Variants in MDFIC2 observed in about 807,000 individuals in gnomAD.
MDFIC2 encodes myoD family inhibitor domain-containing protein 2.
intron 2 of MDFIC2, among the ~76,000 whole-genome samples, chr3:70,264,683 A>G (rs1311510780): frequency 6.6e-6 from 1 of 152,242 alleles, no homozygotes; most frequent in Non-Finnish European, 1.5e-5. Context: ...TGCTAAACAC[A>G]GTGAACATGG....
chr3:70,199,982 T>G (rs1412354262), intron 3 of MDFIC2, among the ~76,000 whole-genome samples: 2 of 152,202 alleles, frequency 1.3e-5, no homozygotes, highest in East Asian at 3.9e-4. Flanking sequence ...TCCTACTTTC[T>G]TTTATGGATG....
At chr3:70,301,991 A>G (rs1225093905) in intron 2 of MDFIC2, among the ~76,000 whole-genome samples, 4 of 152,102 alleles carry the variant, frequency 2.6e-5, no homozygotes, top group Admixed American at 6.6e-5. Context: ...CAGGGTAGCT[A>G]TTTCATTTCA....
At chr3:70,276,450 A>G (rs1702027302) in intron 2 of MDFIC2, among the ~76,000 whole-genome samples, 1 of 152,168 alleles carries the variant, frequency 6.6e-6, no homozygotes, top group African/African-American at 2.4e-5. Flanking sequence ...TATGCCTCTC[A>G]TTATTTTTTT....
intron 2 of MDFIC2, among the ~76,000 whole-genome samples, chr3:70,239,202 CAGTTCAACT>C (rs1458463170): frequency 6.6e-6 from 1 of 152,160 alleles, no homozygotes; most frequent in Admixed American, 6.6e-5. Flanking sequence ...AGTACGTACT[CAGTTCAACT>C]ATGTCATGAA....
intron 2 of MDFIC2, among the ~76,000 whole-genome samples, chr3:70,222,844 A>T (rs1701473041): frequency 6.6e-6 from 1 of 152,164 alleles, no homozygotes; most frequent in African/African-American, 2.4e-5. Context: ...GATACTGCTG[A>T]TGTTTTAAAG....
intron 2 of MDFIC2, among the ~76,000 whole-genome samples, chr3:70,279,138 A>ATG (rs1702056489): frequency 6.6e-6 from 1 of 150,788 alleles, no homozygotes; most frequent in South Asian, 2.1e-4. Flanking sequence ...CACTCACTAC[A>ATG]TGCAATCATG....
chr3:70,237,662 A>G (rs950547691), intron 2 of MDFIC2, among the ~76,000 whole-genome samples: 2 of 152,230 alleles, frequency 1.3e-5, no homozygotes, highest in African/African-American at 4.8e-5. Flanking sequence ...CTAAATAGGG[A>G]AAAGATTGTT....
intron 2 of MDFIC2, among the ~76,000 whole-genome samples, chr3:70,266,820 A>C (rs1447903965): frequency 6.6e-6 from 1 of 152,234 alleles, no homozygotes; most frequent in Admixed American, 6.5e-5. Context: ...AGTAGATATC[A>C]GTCCAGAAGG....
chr3:70,245,112 C>T (rs1021358143), intron 2 of MDFIC2, among the ~76,000 whole-genome samples: 4 of 152,116 alleles, frequency 2.6e-5, no homozygotes, highest in East Asian at 1.9e-4. Context: ...AAGCTCATTT[C>T]CTCTCCTTTA....
chr3:70,207,226 T>G (rs1701299516), intron 2 of MDFIC2, among the ~76,000 whole-genome samples: 1 of 152,068 alleles, frequency 6.6e-6, no homozygotes, highest in African/African-American at 2.4e-5. Flanking sequence ...TTTATTACTT[T>G]GTTTTTACAA....
intron 2 of MDFIC2, among the ~76,000 whole-genome samples, chr3:70,213,421 G>A (rs1188881564): frequency 6.6e-6 from 1 of 152,084 alleles, no homozygotes; most frequent in East Asian, 1.9e-4. Flanking sequence ...TAAAATGAGT[G>A]TATATTTCAA....
chr3:70,252,062 T>G (rs1053376624), intron 2 of MDFIC2, among the ~76,000 whole-genome samples: 1 of 152,228 alleles, frequency 6.6e-6, no homozygotes, highest in Non-Finnish European at 1.5e-5. Flanking sequence ...TTTCTCCTGT[T>G]ATTATTAAGT....
chr3:70,224,894 A>G (rs2106739640), intron 2 of MDFIC2, among the ~76,000 whole-genome samples: 2 of 152,292 alleles, frequency 1.3e-5, no homozygotes, highest in Non-Finnish European at 2.9e-5. Context: ...TGAAAACATA[A>G]TATTATACCC....
intron 2 of MDFIC2, among the ~76,000 whole-genome samples, chr3:70,247,747 A>C (rs1273762831): frequency 6.6e-6 from 1 of 151,952 alleles, no homozygotes; most frequent in East Asian, 1.9e-4. Flanking sequence ...AGCAAGTGGG[A>C]CCAAGGTAAA....
At chr3:70,255,260 T>C (rs373596804) in intron 2 of MDFIC2, among the ~76,000 whole-genome samples, 5 of 152,176 alleles carry the variant, frequency 3.3e-5, no homozygotes, top group African/African-American at 1.2e-4. Flanking sequence ...CAATGACACA[T>C]AAATTTTTGT....
rs150166036 is a variant in MDFIC2 at position 70,284,918 on chromosome 3, G to C, written c.88+26968C>G. On this transcript the variant is annotated intron_variant, in intron 2 of 3. Transcript: ENST00000567252. ...GAAAATAAAAGTTAAACAAAAAAGAGTAAATGGCATTGGTGTAACTGATTC... is the reference window on the plus strand; with the variant it reads ...GAAAATAAAAGTTAAACAAAAAAGACTAAATGGCATTGGTGTAACTGATTC... Among the ~76,000 whole-genome samples, 186 of 152,180 alleles carry C rather than the reference G, an allele frequency of 1.2e-3. 1 individual carries two copies. Among genetic ancestry groups the C allele is most frequent in the African/African-American group, 4.3e-3 (180 of 41,538 alleles).
chr3:70,289,952 T>A (rs1296778176), intron 2 of MDFIC2, among the ~76,000 whole-genome samples: 1 of 152,126 alleles, frequency 6.6e-6, no homozygotes, highest in Non-Finnish European at 1.5e-5. Context: ...ATTCTAGTTA[T>A]ACATTCTTCT....
At chr3:70,250,664 T>G (rs1224673881) in intron 2 of MDFIC2, among the ~76,000 whole-genome samples, 1 of 152,200 alleles carries the variant, frequency 6.6e-6, no homozygotes, top group Non-Finnish European at 1.5e-5. Flanking sequence ...TCACAAAAAT[T>G]TCCAGCTTCC....
intron 2 of MDFIC2, among the ~76,000 whole-genome samples, chr3:70,214,883 A>G (rs149083292): frequency 6.6e-6 from 1 of 152,214 alleles, no homozygotes; most frequent in African/African-American, 2.4e-5. Context: ...ATGTTATCTG[A>G]GAAAAAAATA....
Sources: gnomAD v4.1 joint callset for allele counts (sites outside exome capture counted in the v4.1 genomes callset) on GRCh38, gnomAD v4.1.1 for gene constraint, MANE v1.5 for transcripts, NCBI Gene and HGNC (gene_info 2026-07-23, HGNC 2026-07-21) for gene names.